FRMD6: variants seen among roughly 807,000 people sequenced by gnomAD.
The protein encoded by FRMD6 is FERM domain containing 6, also known as FERM domain-containing protein 6.
Under a neutral mutation model 73.2 loss-of-function variants are expected in FRMD6, and 37 were observed. The observed-to-expected ratio is 0.51, with a 90% CI of 0.39 to 0.66. The LOEUF (loss-of-function observed/expected upper bound fraction) is 0.66, where lower values mean the gene tolerates loss of function less well. Ranked by LOEUF, FRMD6 falls within the 30% of genes least tolerant of loss-of-function variation. The pLI is 0.00. For missense variants in FRMD6, 714 were observed against 780.5 expected (o/e 0.91, Z 1.02); for synonymous variants, 273 against 282.2 (o/e 0.97, Z 0.33).
chr14:51,704,759 G>A lies in FRMD6; in HGVS notation c.382G>A (p.Ala128Thr). The change falls in exon 6 of 14, where the codon GCA becomes ACA. Residue 128 changes from alanine to threonine, a missense_variant. Transcript: ENST00000344768. ...ENGRLISDRA[A>T]RYYYYWHLRK... Reference sequence around the variant, plus strand: ...CTTTTATTTTTCTAGTGACAGAGCAGCAAGATACTATTATTACTGGCACCT... The same window carrying A: ...CTTTTATTTTTCTAGTGACAGAGCAACAAGATACTATTATTACTGGCACCT... The A allele has an allele frequency of 6.2e-7, 1 of 1,610,622 alleles. No individual in the cohort carries two copies. Among genetic ancestry groups the A allele is most frequent in the East Asian group, 2.2e-5 (1 of 44,816 alleles).
At chr14:51,467,455 T>G in the FRMD6 span, among the ~76,000 whole-genome samples, 2 of 152,254 alleles carry the variant, frequency 1.3e-5, no homozygotes, top group African/African-American at 2.4e-5. Flanking sequence ...ATCGTCATCA[T>G]GGCCTGTTCT....
chr14:51,468,039 G>C, the FRMD6 span, among the ~76,000 whole-genome samples: 1 of 152,086 alleles, frequency 6.6e-6, no homozygotes, highest in Non-Finnish European at 1.5e-5. Context: ...CTGCAATCCC[G>C]GCACCTCGGG....
At chr14:51,407,353 C>T in the FRMD6 span, among the ~76,000 whole-genome samples, 7 of 151,494 alleles carry the variant, frequency 4.6e-5, no homozygotes, top group African/African-American at 1.7e-4. Context: ...GGAAGGTATT[C>T]CTCTTTTTCA....
intron 11 of FRMD6, among the ~76,000 whole-genome samples, chr14:51,721,138 G>A (rs1200290486): frequency 2.0e-5 from 3 of 152,200 alleles, no homozygotes; most frequent in African/African-American, 7.2e-5. Context: ...GGGGGGCTTT[G>A]TGAACTGTCA....
chr14:51,543,968 G>A (rs940149727), intron 1 of FRMD6, among the ~76,000 whole-genome samples: 1 of 151,938 alleles, frequency 6.6e-6, no homozygotes, highest in African/African-American at 2.4e-5. Flanking sequence ...ATATTGCTGT[G>A]ACGTAGGTTT....
chr14:51,436,328 A>G, the FRMD6 span: 3 of 381,328 alleles, frequency 7.9e-6, no homozygotes, highest in Non-Finnish European at 1.5e-5. Flanking sequence ...GGGTAACAAC[A>G]TTTGTTAACC....
At chr14:51,670,946 G>A (rs181368677) in intron 1 of FRMD6, among the ~76,000 whole-genome samples, 4 of 152,168 alleles carry the variant, frequency 2.6e-5, no homozygotes, top group East Asian at 1.9e-4. Context: ...CGTGCCCGGC[G>A]GTTTGTATGT....
intron 2 of FRMD6, among the ~76,000 whole-genome samples, chr14:51,604,781 A>C (rs1208711110): frequency 6.6e-6 from 1 of 151,976 alleles, no homozygotes; most frequent in Non-Finnish European, 1.5e-5. Flanking sequence ...CCAAGAGTTC[A>C]TTTTCCACCT....
chr14:51,679,260 A>AT (rs1030553444), intron 1 of FRMD6, among the ~76,000 whole-genome samples: 30 of 146,326 alleles, frequency 2.1e-4, no homozygotes, highest in Admixed American at 6.3e-4. Flanking sequence ...AAAAGGAAGG[A>AT]TTTTTTTTTC....
intron 1 of FRMD6, among the ~76,000 whole-genome samples, chr14:51,512,445 T>C (rs1884365215): frequency 6.6e-6 from 1 of 152,144 alleles, no homozygotes. Flanking sequence ...ATGGTGTATT[T>C]TGGATTGCTG....
At chr14:51,606,037 T>C (rs1179839051) in intron 2 of FRMD6, among the ~76,000 whole-genome samples, 1 of 152,208 alleles carries the variant, frequency 6.6e-6, no homozygotes, top group Non-Finnish European at 1.5e-5. Flanking sequence ...TTTCTGAGGC[T>C]AGAGAAAGTG....
chr14:51,637,146 TG>T (rs1891602705), intron 2 of FRMD6, among the ~76,000 whole-genome samples: 1 of 152,096 alleles, frequency 6.6e-6, no homozygotes. Context: ...TGCTTGAGCC[TG>T]GGAGGTCAAG....
chr14:51,532,101 G>T (rs1356458370), intron 1 of FRMD6, among the ~76,000 whole-genome samples: 2 of 152,148 alleles, frequency 1.3e-5, no homozygotes, highest in Non-Finnish European at 2.9e-5. Flanking sequence ...AGGCGTGGTG[G>T]CTCACGCCTA....
chr14:51,415,273 T>C, the FRMD6 span, among the ~76,000 whole-genome samples: 2 of 152,230 alleles, frequency 1.3e-5, no homozygotes, highest in Non-Finnish European at 2.9e-5. Context: ...ATTCATTCAG[T>C]ATGATATTGG....
chr14:51,499,875 G>A (rs4898695), intron 1 of FRMD6, among the ~76,000 whole-genome samples: 87,164 of 151,850 alleles, frequency 0.57, 25,394 homozygotes, highest in South Asian at 0.67. Context: ...TGATTCTTAT[G>A]TCTGAACTGA....
At chr14:51,588,904 C>A (rs1301049293) in intron 2 of FRMD6, among the ~76,000 whole-genome samples, 1 of 152,178 alleles carries the variant, frequency 6.6e-6, no homozygotes, top group Admixed American at 6.5e-5. Flanking sequence ...GGACTGTGCG[C>A]CACGGCTGAT....
At chr14:51,602,908 G>A (rs1417415337) in intron 2 of FRMD6, among the ~76,000 whole-genome samples, 1 of 152,176 alleles carries the variant, frequency 6.6e-6, no homozygotes, top group Non-Finnish European at 1.5e-5. Flanking sequence ...TTATGGTATA[G>A]CTATACAATT....
At chr14:51,659,726 G>A (rs1893080076) in intron 1 of FRMD6, among the ~76,000 whole-genome samples, 1 of 152,112 alleles carries the variant, frequency 6.6e-6, no homozygotes, top group African/African-American at 2.4e-5. Context: ...CCACTGACTG[G>A]CCCATGTCTT....
chr14:51,505,847 T>G (rs1018415860), intron 1 of FRMD6, among the ~76,000 whole-genome samples: 44 of 152,206 alleles, frequency 2.9e-4, no homozygotes, highest in African/African-American at 9.6e-4. Context: ...GGCTTCTTTC[T>G]GGCTCTCAGT....
Sources: allele counts gnomAD v4.1 joint callset (sites outside exome capture counted in the v4.1 genomes callset), GRCh38; gene constraint gnomAD v4.1.1; transcripts MANE v1.5; gene names NCBI Gene and HGNC (gene_info 2026-07-23, HGNC 2026-07-21).